WDFY4: variants seen among roughly 807,000 people sequenced by gnomAD.
The protein encoded by WDFY4 is WDFY family member 4, also known as WD repeat- and FYVE domain-containing protein 4.
Under a neutral mutation model 351.9 loss-of-function variants are expected in WDFY4, and 169 were observed. That is an observed-to-expected ratio of 0.48 (90% CI 0.42 to 0.55). The LOEUF (loss-of-function observed/expected upper bound fraction) is 0.55. WDFY4 is among the 20% of genes least tolerant of loss of function. WDFY4 has a pLI of 0.00. For synonymous variants in WDFY4, 1,622 were observed against 1,574.6 expected, an observed-to-expected ratio of 1.03 and a Z score of -0.71; for missense variants, 3,803 against 3,935.6, an observed-to-expected ratio of 0.97 and a Z score of 0.90.
At chr10:48,748,738 G>C (rs2065087826) in intron 12 of WDFY4, among the ~76,000 whole-genome samples, 1 of 152,140 alleles carries the variant, frequency 6.6e-6, no homozygotes, top group Admixed American at 6.5e-5. Context: ...TTGATGGTTA[G>C]AGAATAGGAA....
intron 12 of WDFY4, among the ~76,000 whole-genome samples, chr10:48,747,188 G>A (rs535062505): frequency 1.3e-5 from 2 of 152,086 alleles, no homozygotes; most frequent in South Asian, 2.1e-4. Context: ...TAAATGGAAG[G>A]TCTCCCCAGC....
chr10:48,723,032 G>T (rs2064144176), intron 4 of WDFY4, among the ~76,000 whole-genome samples: 1 of 152,078 alleles, frequency 6.6e-6, no homozygotes, highest in East Asian at 1.9e-4. Context: ...CTCACCTCTG[G>T]ACTGCTTTCC....
chr10:48,723,800 T>C (rs7920007), intron 5 of WDFY4, among the ~76,000 whole-genome samples: 104,044 of 151,908 alleles, frequency 0.68, 35,880 homozygotes, highest in East Asian at 0.87. Flanking sequence ...CCCTGTGCCA[T>C]GGCCTCACAT....
chr10:48,755,041 C>T (rs1330401847), intron 12 of WDFY4, among the ~76,000 whole-genome samples: 1 of 152,098 alleles, frequency 6.6e-6, no homozygotes, highest in Non-Finnish European at 1.5e-5. Flanking sequence ...AGAAACAGAA[C>T]AGTCTCATCA....
chr10:48,794,869 G>A (rs544264397), intron 23 of WDFY4, among the ~76,000 whole-genome samples: 7 of 152,294 alleles, frequency 4.6e-5, no homozygotes, highest in African/African-American at 1.7e-4. Flanking sequence ...GGCTGATGCA[G>A]GTTGAAAAGA....
chr10:48,800,695 TTTCTTTCTTTCTTTCTTTCTTTCTTTCA>T (rs2067043998), intron 24 of WDFY4, among the ~76,000 whole-genome samples: 1 of 138,146 alleles, frequency 7.2e-6, no homozygotes, highest in Admixed American at 7.2e-5. Context: ...TCTTTCTTTC[TTTCTTTCTTTCTTTCTTTCTTTCTTTCA>T]TTCTTTCTTT....
chr10:48,933,339 C>T (rs1410464639), intron 47 of WDFY4, among the ~76,000 whole-genome samples: 1 of 152,234 alleles, frequency 6.6e-6, no homozygotes, highest in East Asian at 1.9e-4. Flanking sequence ...ACAGATGAAA[C>T]ACCCAGGGCC....
chr10:48,938,471 G>A (rs143023047), intron 47 of WDFY4, among the ~76,000 whole-genome samples: 47 of 152,396 alleles, frequency 3.1e-4, no homozygotes, highest in African/African-American at 1.1e-3. Context: ...GCCACAGGCT[G>A]CTCTGCCAGC....
chr10:48,881,223 TAAG>T (rs777419826), intron 43 of WDFY4, among the ~76,000 whole-genome samples: 2 of 152,122 alleles, frequency 1.3e-5, no homozygotes, highest in Admixed American at 6.5e-5. Flanking sequence ...CTCCCAGAAG[TAAG>T]AAGGGGCGTT....
intron 52 of WDFY4, among the ~76,000 whole-genome samples, chr10:48,959,181 C>T (rs542441260): frequency 7.0e-4 from 107 of 152,262 alleles, no homozygotes; most frequent in African/African-American, 2.5e-3. Flanking sequence ...AGTCCAGCCT[C>T]CTCATTCTAC....
chr10:48,970,293 T>C lies in WDFY4; in HGVS notation c.8928+4T>C. On this transcript the variant is annotated splice_donor_region_variant and intron_variant, in intron 57 of 61. Transcript: ENST00000325239. The stretch of plus-strand genomic sequence containing the variant: ...GAGGGGCTTGCGCCTCCGGCAGGTA[T>C]GGTCCAGCTCGTGCAGGTGCGGTCC... 1 of 1,550,014 alleles carries C rather than the reference T, an allele frequency of 6.5e-7. No individual in the cohort carries two copies. The highest frequency in any genetic ancestry group is 8.7e-7 in the Non-Finnish European group (1 of 1,146,988).
chr10:48,802,963 A>T (rs770848817), intron 24 of WDFY4, among the ~76,000 whole-genome samples: 36 of 152,142 alleles, frequency 2.4e-4, no homozygotes, highest in South Asian at 6.2e-4. Flanking sequence ...GGAGGTTGAG[A>T]TGAGTTTGCA....
At chr10:48,830,661 T>G (rs1230412865) in intron 37 of WDFY4, 39 bp from the exon 38 acceptor site, 1 of 1,537,346 alleles carries the variant, frequency 6.5e-7, no homozygotes, top group South Asian at 1.2e-5. Context: ...GGAGGGTCAC[T>G]GAGGCCATCC....
intron 2 of WDFY4, among the ~76,000 whole-genome samples, chr10:48,712,053 T>C (rs1365377117): frequency 2.0e-5 from 3 of 152,228 alleles, no homozygotes; most frequent in Non-Finnish European, 2.9e-5. Context: ...TGAACCTTGA[T>C]ACTGGTCTTT....
At chr10:48,859,619 T>A (rs373671138) in intron 39 of WDFY4, among the ~76,000 whole-genome samples, 35 of 152,196 alleles carry the variant, frequency 2.3e-4, no homozygotes, top group African/African-American at 8.2e-4. Context: ...ATTCTGTTTG[T>A]TAATATAAGA....
chr10:48,964,937 A>T (rs1842012424), intron 54 of WDFY4, among the ~76,000 whole-genome samples: 1 of 152,174 alleles, frequency 6.6e-6, no homozygotes, highest in African/African-American at 2.4e-5. Flanking sequence ...CTCTGGTCTC[A>T]CATGACATGC....
chr10:48,787,165 A>C (rs909148763), intron 20 of WDFY4, among the ~76,000 whole-genome samples: 1 of 152,238 alleles, frequency 6.6e-6, no homozygotes, highest in Non-Finnish European at 1.5e-5. Flanking sequence ...ATTGCTTTTA[A>C]TGAAGAAGCT....
In WDFY4 at chr10:48,976,239, C is replaced by T. The variant is rs1210585519; in HGVS notation, c.9109-558C>T. On this transcript the variant is annotated intron_variant, in intron 58 of 61. Transcript: ENST00000325239. The stretch of plus-strand genomic sequence containing the variant: ...GCCCCAGGACCTTGGTGACAGTGGC[C>T]ACTATAGAATAAACAGGACTTGAGG... Among the ~76,000 whole-genome samples, 3 of 152,300 alleles carry T rather than the reference C, an allele frequency of 2.0e-5. No homozygotes were observed. In the East Asian group the frequency reaches 5.8e-4, roughly 29 times the overall value.
In WDFY4 at chr10:48,830,681, C is replaced by T; in HGVS notation, c.6341-19C>T. 1.9e-6 allele frequency: 3 copies of T among 1,547,884 alleles called. No homozygotes were observed. The highest frequency in any genetic ancestry group is 2.6e-6 in the Non-Finnish European group (3 of 1,144,928). ...GTCACTGAGGCCATCCTGAGTGTGC[C>T]ATGTGCTCTCTCTGCTAGTCCAACA... On this transcript the variant is annotated intron_variant, in intron 37 of 61. Coordinates refer to ENST00000325239, the MANE Select transcript of WDFY4 (RefSeq NM_001394531.1).
Sources: allele counts gnomAD v4.1 joint callset (sites outside exome capture counted in the v4.1 genomes callset), GRCh38; gene constraint gnomAD v4.1.1; transcripts MANE v1.5; gene names NCBI Gene and HGNC (gene_info 2026-07-23, HGNC 2026-07-21).